The following ELOA2 variants were observed in gnomAD, a reference collection of about 807,000 sequenced individuals.
ELOA2 encodes the protein elongin-A2.
For missense variants in ELOA2, 1,271 were observed against 979.7 expected (o/e 1.30, Z -3.97); for synonymous variants, 497 against 398.8 (o/e 1.25, Z -2.94).
At position 47,032,686 on chromosome 18, in the gene ELOA2, G is replaced by C; in HGVS notation, c.*317C>G. 3 of 421,458 alleles carry C rather than the reference G, an allele frequency of 7.1e-6. No individual in the cohort carries two copies. In the South Asian group the frequency reaches 1.1e-4, roughly 15 times the overall value. The allele number at this position is 421,458 out of a possible 1,614,324, so 26.1% of individuals were successfully genotyped here. A position where few individuals can be genotyped will look rare whatever the true frequency, so the allele number is the denominator to read the frequency against. On this transcript the variant is annotated 3_prime_UTR_variant, in exon 1 of 1. Coordinates refer to ENST00000332567, the MANE Select transcript of ELOA2 (RefSeq NM_016427.3). ...TCGAAAAAAAAAAGAAAGGAAAAAG[G>C]AAATCTCACATCTTTTTCCTTATTT...
In ELOA2 at chr18:47,033,875, C is replaced by A. The variant is rs758518276; in HGVS notation, c.1390G>T (p.Asp464Tyr). Residue 464 changes from aspartate to tyrosine, a missense_variant, in exon 1 of 1, where the codon GAC (aspartate) becomes TAC (tyrosine). Transcript: ENST00000332567. The stretch of plus-strand genomic sequence containing the variant: ...GCCTGCATCCAGGCCTCTGAGAGGT[C>A]CCAGAGCTCTGAGAAGACATGGCTG... The part of the protein sequence containing the change: ...VPSHVFSELW[D>Y]LSEAWMQANY... 4.3e-6 allele frequency: 7 copies of A among 1,613,920 alleles called. No individual in the cohort carries two copies. Among genetic ancestry groups the A allele is most frequent in the Non-Finnish European group, 5.9e-6 (7 of 1,180,048 alleles).
At position 47,034,967 on chromosome 18, in the gene ELOA2, C is replaced by T. The variant is rs777759654; in HGVS notation, c.298G>A (p.Gly100Arg). Reference protein sequence around the residue: ...PEESASRQRFGEALQDQEKAW... With the variant: ...PEESASRQRFREALQDQEKAW... ...TTTTCCTGGTCCTGAAGAGCCTCCC[C>T]GAAGCGCTGTCGGGAAGCGCTCTCC... The change falls in exon 1 of 1, where the codon GGG (glycine) becomes AGG (arginine). Residue 100 changes from glycine (G) to arginine (R), a missense_variant. Physicochemically the swap from Gly to Arg is moderately radical, Grantham distance 125 (BLOSUM62 -2). Transcript: ENST00000332567. The T allele has an allele frequency of 3.1e-6, 5 of 1,611,704 alleles. No individual in the cohort carries two copies. Among genetic ancestry groups the T allele is most frequent in the South Asian group, 1.1e-5 (1 of 90,968 alleles).
At position 47,032,822 on chromosome 18, in the gene ELOA2, A is replaced by T. The variant is rs2060537639; in HGVS notation, c.*181T>A. On this transcript the variant is annotated 3_prime_UTR_variant, in exon 1 of 1. Coordinates refer to ENST00000332567, the MANE Select transcript of ELOA2 (RefSeq NM_016427.3). ...TGAGGTGTTCTCCAAGCTGGGAGGT[A>T]GTGGCTGGGTGTGGGAGGCAAAATC... 2.7e-6 allele frequency: 3 copies of T among 1,100,452 alleles called. No homozygotes were observed. Among genetic ancestry groups the T allele is most frequent in the Non-Finnish European group, 3.9e-6 (3 of 772,844 alleles). 68.2% of individuals were successfully genotyped at this position (1,100,452 alleles called of 1,614,324 possible). A position where few individuals can be genotyped will look rare whatever the true frequency, so the allele number is the denominator to read the frequency against.
In ELOA2 at chr18:47,034,744, C is replaced by T. The variant is rs765737351; in HGVS notation, c.521G>A (p.Arg174His). 1.2e-6 allele frequency: 2 copies of T among 1,612,802 alleles called. No homozygotes were observed. Among genetic ancestry groups the T allele is most frequent in the Admixed American group, 3.3e-5 (2 of 60,012 alleles). The stretch of plus-strand genomic sequence containing the variant: ...CTCGGGCATCCGGAGGGGAGCTGTG[C>T]GCGTTGGAGAGGCCCGATAGCGGCC... The part of the protein sequence containing the change: ...DSGRYRASPT[R>H]TAPLRMPEGP... Residue 174 changes from arginine to histidine, a missense_variant, in exon 1 of 1, where the codon CGC (arginine) becomes CAC (histidine). By Grantham distance (29) the Arg-to-His change is conservative (BLOSUM62 0). Coordinates refer to ENST00000332567, the MANE Select transcript of ELOA2 (RefSeq NM_016427.3).
chr18:47,034,221 CTCTTGAG>C, the ELOA2 span: 1 of 1,613,944 alleles, frequency 6.2e-7, no homozygotes, highest in East Asian at 2.2e-5. Flanking sequence ...GTGGCTTCCC[CTCTTGAG>C]TCTCTCGGTC....
Position 47,033,586 on chromosome 18 carries a change from T to G in ELOA2, c.1679A>C (p.Glu560Ala). The change falls in exon 1 of 1, where the codon GAA (glutamate) becomes GCA (alanine). Residue 560 changes from glutamate (E) to alanine (A), a missense_variant. Coordinates refer to ENST00000332567, the MANE Select transcript of ELOA2 (RefSeq NM_016427.3). ...ATACAGCTGATCGGGCCTCCACCCT[T>G]CCAGAACAGGTTCAAGAACCCAGTA... ...VPYWVLEPVLEGWRPDQLYRR... is the reference protein window; with the variant it reads ...VPYWVLEPVLAGWRPDQLYRR... The G allele has an allele frequency of 6.2e-7, 1 of 1,614,150 alleles. No individual in the cohort carries two copies. Among genetic ancestry groups the G allele is most frequent in the Non-Finnish European group, 8.5e-7 (1 of 1,180,030 alleles).
Position 47,034,207 on chromosome 18 carries a change from G to C in ELOA2, c.1058C>G (p.Thr353Ser). The change falls in exon 1 of 1, where the codon ACT becomes AGT. Residue 353 changes from threonine (T) to serine (S), a missense_variant. Transcript: ENST00000332567. ...DRETQEGKPP[T>S]AHLDRTSVSS... The stretch of plus-strand genomic sequence containing the variant: ...CACGGACGTTCTGTCCAAATGAGCA[G>C]TCGGTGGCTTCCCCTCTTGAGTCTC... 1 of 1,613,850 alleles carries C rather than the reference G, an allele frequency of 6.2e-7. No homozygotes were observed. The highest frequency in any genetic ancestry group is 8.5e-7 in the Non-Finnish European group (1 of 1,179,728).
rs575247924 is a variant in ELOA2, at chr18:47,032,947, T to C, written c.*56A>G. On this transcript the variant is annotated 3_prime_UTR_variant, in exon 1 of 1. Coordinates refer to ENST00000332567, the MANE Select transcript of ELOA2 (RefSeq NM_016427.3). ...GGAAGTTTCGTTCCCCAACCCGCAT[T>C]GACTTTGCCAATGCAAAAATCCCCC... 1 of 1,612,540 alleles carries C rather than the reference T, an allele frequency of 6.2e-7. No homozygotes were observed. The highest frequency in any genetic ancestry group is 2.2e-5 in the East Asian group (1 of 44,882).
Position 47,033,105 on chromosome 18 carries a change from G to T in ELOA2, c.2160C>A (p.His720Gln), listed in dbSNP as rs777635453. 1.2e-6 allele frequency: 2 copies of T among 1,614,016 alleles called. No individual in the cohort carries two copies. Among genetic ancestry groups the T allele is most frequent in the African/African-American group, 2.7e-5 (2 of 74,942 alleles). ...TCCGGGTTTTGGCCGCGGGCGCCGC[G>T]TGCTCATTGCTGCTGCTCAGGCAGG... ...ANPCLSSSNE[H>Q]AAPAAKTRKQ... The change falls in exon 1 of 1, where the codon CAC becomes CAA. Residue 720 changes from histidine to glutamine, a missense_variant. Transcript: ENST00000332567.
At position 47,035,298 on chromosome 18, in the gene ELOA2, C is replaced by G; in HGVS notation, c.-34G>C. The G allele has an allele frequency of 1.2e-6, 2 of 1,611,606 alleles. No individual in the cohort carries two copies. Among genetic ancestry groups the G allele is most frequent in the Non-Finnish European group, 1.7e-6 (2 of 1,179,470 alleles). On this transcript the variant is annotated 5_prime_UTR_variant, in exon 1 of 1. Transcript: ENST00000332567. ...AGCTGTGCAGGCGTCGCTGTCCCGG[C>G]GGTCGCAGCTCTGTCTTTGGGGCTG...
Position 47,032,920 on chromosome 18 carries a change from T to G in ELOA2, c.*83A>C, listed in dbSNP as rs561010606. On this transcript the variant is annotated 3_prime_UTR_variant, in exon 1 of 1. Transcript: ENST00000332567. ...ACCAAGTTAAAGGTTCTGGTGTCCA[T>G]TGGAAGTTTCGTTCCCCAACCCGCA... 1 of 1,609,166 alleles carries G rather than the reference T, an allele frequency of 6.2e-7. No individual in the cohort carries two copies. The highest frequency in any genetic ancestry group is 8.5e-7 in the Non-Finnish European group (1 of 1,177,726).
Position 47,035,611 on chromosome 18 carries a change from C to T in ELOA2, c.-347G>A. On this transcript the variant is annotated 5_prime_UTR_variant, in exon 1 of 1. Coordinates refer to ENST00000332567, the MANE Select transcript of ELOA2 (RefSeq NM_016427.3). ...CAGGCTGACACTCACGGCTCTAGCC[C>T]TGACCCTCTTAGCTCTTGGGCTGCC... The T allele has an allele frequency of 2.0e-6, 1 of 497,678 alleles. No homozygotes were observed. Among genetic ancestry groups the T allele is most frequent in the Non-Finnish European group, 3.8e-6 (1 of 266,538 alleles). The allele number at this position is 497,678 out of a possible 1,614,324, so 30.8% of individuals were successfully genotyped here.
Position 47,034,221 on chromosome 18 carries a change from C to G in ELOA2, c.1044G>C (p.Glu348Asp), listed in dbSNP as rs1569053453. 1 of 1,613,944 alleles carries G rather than the reference C, an allele frequency of 6.2e-7. No individual in the cohort carries two copies. The highest frequency in any genetic ancestry group is 1.1e-5 in the South Asian group (1 of 91,072). The stretch of plus-strand genomic sequence containing the variant: ...CCAAATGAGCAGTCGGTGGCTTCCC[C>G]TCTTGAGTCTCTCGGTCGTTGGAAA... Reference protein sequence around the residue: ...EQLSNDRETQEGKPPTAHLDR... With the variant: ...EQLSNDRETQDGKPPTAHLDR... Residue 348 changes from glutamate (E) to aspartate (D), a missense_variant, in exon 1 of 1, where the codon GAG (glutamate) becomes GAC (aspartate). Physicochemically the swap from Glu to Asp is conservative, Grantham distance 45. Transcript: ENST00000332567.
chr18:47,034,624 T>C lies in ELOA2; in HGVS notation c.641A>G (p.Gln214Arg), dbSNP rs1296102765. Residue 214 changes from glutamine to arginine, a missense_variant, in exon 1 of 1, where the codon CAA becomes CGA. Gln to Arg is a conservative substitution (Grantham distance 43). Transcript: ENST00000332567. ...GCTCACAACGGCTTTCCCCTGGGGT[T>C]GGCCCTGGCAGCCTGGACACAGCAG... is the stretch of plus-strand genomic sequence containing the variant. ...GPLLCPGCQG[Q>R]PQGKAVVSHS... 6.2e-7 allele frequency: 1 copy of C among 1,614,116 alleles called. No homozygotes were observed. Among genetic ancestry groups the C allele is most frequent in the East Asian group, 2.2e-5 (1 of 44,868 alleles).
chr18:47,033,156 G>C lies in ELOA2; in HGVS notation c.2109C>G (p.Arg703=), dbSNP rs543160054. ...GGTTGGCCCGCTTCTCAGGGAGCCA[G>C]CGAAGGATGCTGCTGCTGCTGTCTC... ...GGRDSSSSIL[R]WLPEKRANPC... Residue 703 remains arginine, a synonymous_variant, in exon 1 of 1, where the codon CGC becomes CGG. Transcript: ENST00000332567. The C allele has an allele frequency of 4.3e-6, 7 of 1,614,104 alleles. No homozygotes were observed. In the East Asian group the frequency reaches 6.7e-5, roughly 15 times the overall value.
rs753460463 is a variant in ELOA2, at chr18:47,033,625, A to C, written c.1640T>G (p.Val547Gly). 1 of 1,614,154 alleles carries C rather than the reference A, an allele frequency of 6.2e-7. No homozygotes were observed. Among genetic ancestry groups the C allele is most frequent in the Non-Finnish European group, 8.5e-7 (1 of 1,180,018 alleles). ...LRNNPDALSD[V>G]GEVPYWVLEP... ...AAGAACCCAGTAGGGGACCTCTCCC[A>C]CGTCGCTGAGGGCGTCCGGATTGTT... The change falls in exon 1 of 1, where the codon GTG (valine) becomes GGG (glycine). Residue 547 changes from valine (V) to glycine (G), a missense_variant. Coordinates refer to ENST00000332567, the MANE Select transcript of ELOA2 (RefSeq NM_016427.3).
In ELOA2 at chr18:47,033,105, G is replaced by C. The variant is rs777635453; in HGVS notation, c.2160C>G (p.His720Gln). ...TCCGGGTTTTGGCCGCGGGCGCCGC[G>C]TGCTCATTGCTGCTGCTCAGGCAGG... ...ANPCLSSSNE[H>Q]AAPAAKTRKQ... Residue 720 changes from histidine to glutamine, a missense_variant, in exon 1 of 1, where the codon CAC becomes CAG. Coordinates refer to ENST00000332567, the MANE Select transcript of ELOA2 (RefSeq NM_016427.3). 1 of 1,614,134 alleles carries C rather than the reference G, an allele frequency of 6.2e-7. No individual in the cohort carries two copies.
rs779458997 is a variant in ELOA2, at chr18:47,033,988, G to A, written c.1277C>T (p.Ser426Leu). The A allele has an allele frequency of 3.9e-5, 63 of 1,613,566 alleles. 1 individual carries two copies. The highest frequency in any genetic ancestry group is 5.2e-5 in the Non-Finnish European group (61 of 1,180,040). The change falls in exon 1 of 1, where the codon TCG becomes TTG. Residue 426 changes from serine to leucine, a missense_variant. Transcript: ENST00000332567. ...CTGGACAGGAGGCAATTTCTTAGCC[G>A]AATCCCAGGACTCACGAGTGCCCTT... The part of the protein sequence containing the change: ...ESKGTRESWD[S>L]AKKLPPVQES...
In ELOA2 at chr18:47,032,936, C is replaced by T. The variant is rs72919298; in HGVS notation, c.*67G>A. 88,044 of 1,611,290 alleles carry T rather than the reference C, an allele frequency of 0.055. 2,853 individuals are homozygous for T. The highest frequency in any genetic ancestry group is 0.065 in the Non-Finnish European group (77,035 of 1,178,874). On this transcript the variant is annotated 3_prime_UTR_variant, in exon 1 of 1. Coordinates refer to ENST00000332567, the MANE Select transcript of ELOA2 (RefSeq NM_016427.3). ...TGGTGTCCATTGGAAGTTTCGTTCC[C>T]CAACCCGCATTGACTTTGCCAATGC...
Sources: gnomAD v4.1 joint callset for allele counts on GRCh38, gnomAD v4.1.1 for gene constraint, MANE v1.5 for transcripts, NCBI Gene and HGNC (gene_info 2026-07-23, HGNC 2026-07-21) for gene names.